The following IGSF11 variants were observed in gnomAD, a reference collection of about 807,000 sequenced individuals.
The protein encoded by IGSF11 is immunoglobulin superfamily member 11.
In IGSF11, 22 loss-of-function variants were observed where a neutral mutation model predicts 41.0. The ratio of observed to expected loss-of-function variants is 0.54; its 90% CI spans 0.38 to 0.77. The LOEUF is 0.77. Among genes scored for constraint, IGSF11 ranks in the 30% least tolerant of loss-of-function variants. The pLI, the probability that IGSF11 is intolerant of heterozygous loss-of-function variation, is 0.00. For synonymous variants in IGSF11, 219 were observed against 201.3 expected (o/e 1.09, Z -0.74); for missense variants, 444 against 530.8 (o/e 0.84, Z 1.61).
intron 1 of IGSF11, among the ~76,000 whole-genome samples, chr3:118,956,816 A>G (rs960064456): frequency 1.3e-5 from 2 of 152,216 alleles, no homozygotes; most frequent in Non-Finnish European, 2.9e-5. Flanking sequence ...CAAAGTGAGC[A>G]TATGTTGTTG....
intron 1 of IGSF11, among the ~76,000 whole-genome samples, chr3:118,989,293 T>C (rs183655924): frequency 5.3e-5 from 8 of 152,314 alleles, no homozygotes; most frequent in African/African-American, 1.9e-4. Context: ...TTGTTGGTTG[T>C]TGATCCACAA....
chr3:118,902,447 T>TGCCCCCCCCCCCCCC lies in IGSF11; in HGVS notation c.*72_*73insGGGGGGGGGGGGGGC. The TGCCCCCCCCCCCCCC allele has an allele frequency of 1.8e-6, 1 of 563,916 alleles. No homozygotes were observed. The highest frequency in any genetic ancestry group is 3.4e-6 in the Non-Finnish European group (1 of 298,020). The allele number at this position is 563,916 out of a possible 1,614,324, so 34.9% of individuals were successfully genotyped here. On this transcript the variant is annotated 3_prime_UTR_variant, in exon 7 of 7. Coordinates refer to ENST00000393775, the MANE Select transcript of IGSF11 (RefSeq NM_001015887.3). ...TAAGGAAGTGTTTCTTTCCCAGCACTCCCCACCCCACCCTCCCCCTTGTAT... is the reference window on the plus strand; with the variant it reads ...TAAGGAAGTGTTTCTTTCCCAGCACTGCCCCCCCCCCCCCCCCCCACCCCACCCTCCCCCTTGTAT...
At chr3:119,120,567 G>T in intron 1 of IGSF11, among the ~76,000 whole-genome samples, 1 of 152,234 alleles carries the variant, frequency 6.6e-6, no homozygotes, top group Non-Finnish European at 1.5e-5. Flanking sequence ...GCTTAAGAAG[G>T]TGGTGATTGA....
chr3:118,940,178 T>C (rs1025041637), intron 1 of IGSF11, among the ~76,000 whole-genome samples: 3 of 152,166 alleles, frequency 2.0e-5, no homozygotes, highest in African/African-American at 7.2e-5. Flanking sequence ...ATGCAGATTG[T>C]AGTCACTGCA....
At chr3:119,099,910 G>A (rs1476925094) in intron 1 of IGSF11, among the ~76,000 whole-genome samples, 1 of 152,168 alleles carries the variant, frequency 6.6e-6, no homozygotes, top group South Asian at 2.1e-4. Context: ...AATGTACACT[G>A]TACTTTCTCA....
chr3:119,015,748 TA>T (rs11320585), intron 1 of IGSF11, among the ~76,000 whole-genome samples: 8,676 of 142,284 alleles, frequency 0.061, 326 homozygotes, highest in South Asian at 0.16. Context: ...GAATAAATGC[TA>T]AAAAAAAAAA....
chr3:119,031,505 A>T lies in IGSF11; in HGVS notation c.52+3026T>A, dbSNP rs1225774251. Among the ~76,000 whole-genome samples, 3 of 152,254 alleles carry T rather than the reference A, an allele frequency of 2.0e-5. No individual in the cohort carries two copies. In the East Asian group the frequency reaches 5.8e-4, roughly 29 times the overall value. Reference sequence around the variant, plus strand: ...TAAATCTCTCCACTATGAAAGTGTGAAAACACATTTCAAAATCTGCCACAT... The same window carrying T: ...TAAATCTCTCCACTATGAAAGTGTGTAAACACATTTCAAAATCTGCCACAT... On this transcript the variant is annotated intron_variant, in intron 1 of 6. Coordinates refer to ENST00000393775, the MANE Select transcript of IGSF11 (RefSeq NM_001015887.3).
At chr3:118,969,196 A>T (rs1486300498) in intron 1 of IGSF11, among the ~76,000 whole-genome samples, 2 of 151,652 alleles carry the variant, frequency 1.3e-5, no homozygotes, top group South Asian at 2.1e-4. Context: ...GGTAAATATT[A>T]AAAAAAAATA....
chr3:119,044,995 T>TA (rs1941264775), intron 1 of IGSF11, among the ~76,000 whole-genome samples: 1 of 151,852 alleles, frequency 6.6e-6, no homozygotes, highest in Non-Finnish European at 1.5e-5. Context: ...ATAACACAGT[T>TA]AAAAAAAGGA....
chr3:119,076,256 T>C (rs905958505), intron 1 of IGSF11, among the ~76,000 whole-genome samples: 5 of 152,196 alleles, frequency 3.3e-5, no homozygotes, highest in Admixed American at 2.0e-4. Flanking sequence ...ATACAAACAT[T>C]AATTCAAGAT....
intron 1 of IGSF11, among the ~76,000 whole-genome samples, chr3:118,965,343 G>A (rs976059490): frequency 6.6e-6 from 1 of 151,952 alleles, no homozygotes; most frequent in Non-Finnish European, 1.5e-5. Flanking sequence ...GCTATAAGGA[G>A]TATAAAAAAT....
exon 1 of IGSF11, chr3:119,145,960 C>T (rs1164155098): frequency 4.1e-6 from 2 of 487,264 alleles, no homozygotes; most frequent in Non-Finnish European, 7.3e-6. Context: ...CTGAGAATCG[C>T]CCCTTCTCAG....
chr3:118,916,822 C>G (rs1941167235), intron 4 of IGSF11, among the ~76,000 whole-genome samples: 2 of 151,688 alleles, frequency 1.3e-5, no homozygotes, highest in African/African-American at 2.4e-5. Context: ...CAGCACCACA[C>G]CACACCTATT....
At chr3:118,921,498 AAATATT>A (rs1346068514) in intron 4 of IGSF11, among the ~76,000 whole-genome samples, 2 of 152,196 alleles carry the variant, frequency 1.3e-5, no homozygotes, top group East Asian at 3.8e-4. Flanking sequence ...ATGGTAATTT[AAATATT>A]AATATTTAGT....
chr3:119,033,550 T>C (rs1940619863), intron 1 of IGSF11, among the ~76,000 whole-genome samples: 1 of 152,248 alleles, frequency 6.6e-6, no homozygotes, highest in Non-Finnish European at 1.5e-5. Flanking sequence ...CTGCACAAGT[T>C]AAGTTGGCTA....
At chr3:119,078,026 A>C (rs1260600576) in intron 1 of IGSF11, among the ~76,000 whole-genome samples, 1 of 152,226 alleles carries the variant, frequency 6.6e-6, no homozygotes, top group Admixed American at 6.5e-5. Context: ...GCAATGGCAC[A>C]AACCAATGAC....
intron 4 of IGSF11, among the ~76,000 whole-genome samples, chr3:118,914,475 G>A (rs1401526060): frequency 1.3e-5 from 2 of 151,438 alleles, no homozygotes; most frequent in South Asian, 4.3e-4. Flanking sequence ...TTCTCTTTCC[G>A]AGTCAAAGAA....
At chr3:119,024,881 T>A (rs1939664408) in intron 1 of IGSF11, among the ~76,000 whole-genome samples, 1 of 152,148 alleles carries the variant, frequency 6.6e-6, no homozygotes, top group Non-Finnish European at 1.5e-5. Flanking sequence ...AAAGAAGATA[T>A]TGTCATACTT....
intron 1 of IGSF11, among the ~76,000 whole-genome samples, chr3:119,110,375 G>A (rs1343825757): frequency 3.9e-5 from 6 of 151,902 alleles, no homozygotes; most frequent in Non-Finnish European, 8.8e-5. Context: ...GATCTTTGTT[G>A]GTTTAAAGTC....
Sources: allele counts gnomAD v4.1 joint callset (sites outside exome capture counted in the v4.1 genomes callset), GRCh38; gene constraint gnomAD v4.1.1; transcripts MANE v1.5; gene names NCBI Gene and HGNC (gene_info 2026-07-23, HGNC 2026-07-21).